The following EHBP1 variants were observed in gnomAD, a reference collection of about 807,000 sequenced individuals.
EHBP1 encodes the protein EH domain-binding protein 1.
A neutral mutation model predicts 144.0 loss-of-function variants in EHBP1; 55 were observed. The ratio of observed to expected loss-of-function variants is 0.38; its 90% confidence interval spans 0.31 to 0.48. The LOEUF (loss-of-function observed/expected upper bound fraction) is 0.48, where lower values mean the gene tolerates loss of function less well. Ranked by LOEUF, EHBP1 falls within the 20% of genes least tolerant of loss-of-function variation. EHBP1 has a pLI of 0.98. For synonymous variants in EHBP1, 469 were observed against 472.7 expected, an observed-to-expected ratio of 0.99 and a Z score of 0.10; for missense variants, 1,200 against 1,364.2, an observed-to-expected ratio of 0.88 and a Z score of 1.90.
intron 19 of EHBP1, among the ~76,000 whole-genome samples, chr2:63,031,945 A>G (rs1473032754): frequency 6.6e-6 from 1 of 152,052 alleles, no homozygotes; most frequent in Non-Finnish European, 1.5e-5. Flanking sequence ...AAAAACAAAA[A>G]CAAAAAAAAC....
chr2:62,988,119 A>G, intron 15 of EHBP1: 7 of 796,172 alleles, frequency 8.8e-6, no homozygotes, highest in Non-Finnish European at 2.0e-6. Context: ...ATCAATAATA[A>G]TAATAATTTT....
chr2:62,723,351 C>T (rs1465089884), intron 2 of EHBP1, among the ~76,000 whole-genome samples: 1 of 151,872 alleles, frequency 6.6e-6, no homozygotes, highest in African/African-American at 2.4e-5. Context: ...TTTCTCCATC[C>T]CTTTATTTTG....
At chr2:62,784,252 A>T (rs962286921) in intron 5 of EHBP1, among the ~76,000 whole-genome samples, 21 of 152,224 alleles carry the variant, frequency 1.4e-4, no homozygotes, top group African/African-American at 5.1e-4. Flanking sequence ...TATTTTCCAA[A>T]ATCACATTTT....
At position 63,045,013 on chromosome 2, in the gene EHBP1, G is replaced by A. The variant is rs991404577; in HGVS notation, c.3278-53G>A. 92 of 1,114,468 alleles carry A rather than the reference G, an allele frequency of 8.3e-5. No homozygotes were observed. The highest frequency in any genetic ancestry group is 1.0e-4 in the Non-Finnish European group (85 of 813,368). 69.0% of individuals were successfully genotyped at this position (1,114,468 alleles called of 1,614,324 possible). ...AAAGGCGGGAAGGGGAGGGCGGGGG[G>A]CCGGGTGTTCGGAGGCCCTGCCGGT... On this transcript the variant is annotated intron_variant, in intron 21 of 22. Coordinates refer to ENST00000431489, the MANE Select transcript of EHBP1 (RefSeq NM_001142616.3). This position sits in a 1 kb window ranked among gnomAD's most constrained non-coding sequence, Gnocchi z 5.7.
intron 10 of EHBP1, among the ~76,000 whole-genome samples, chr2:62,930,036 C>T (rs547353401): frequency 6.6e-6 from 1 of 152,288 alleles, no homozygotes; most frequent in Admixed American, 6.5e-5. Context: ...TGCTTGAGCT[C>T]AGGAGTTCAA....
At chr2:62,700,340 T>C (rs360808) in intron 1 of EHBP1, among the ~76,000 whole-genome samples, 93,113 of 152,008 alleles carry the variant, frequency 0.61, 29,042 homozygotes, top group Middle Eastern at 0.8. Context: ...ATTTCAAGCT[T>C]TGATTTCACA....
At chr2:62,889,251 T>TG (rs1558862531) in intron 10 of EHBP1, among the ~76,000 whole-genome samples, 2 of 147,682 alleles carry the variant, frequency 1.4e-5, no homozygotes, top group Non-Finnish European at 3.0e-5. Flanking sequence ...GTGTGTGTGT[T>TG]TTTTTTTTGT....
intron 10 of EHBP1, among the ~76,000 whole-genome samples, chr2:62,880,379 C>T (rs1323727803): frequency 2.0e-4 from 30 of 147,794 alleles, no homozygotes; most frequent in African/African-American, 7.2e-4. Context: ...ATAAATGAGA[C>T]CTAATCAAAC....
chr2:62,902,878 G>T (rs536791948), intron 10 of EHBP1, among the ~76,000 whole-genome samples: 4 of 152,114 alleles, frequency 2.6e-5, no homozygotes, highest in Non-Finnish European at 5.9e-5. Flanking sequence ...ATATTAGTTT[G>T]TTATATAGAT....
intron 7 of EHBP1, among the ~76,000 whole-genome samples, chr2:62,845,580 A>G (rs955195282): frequency 1.3e-5 from 2 of 151,968 alleles, no homozygotes; most frequent in East Asian, 1.9e-4. Flanking sequence ...TAAAATAAAT[A>G]TGGGACTCTG....
rs745599850 is a variant in EHBP1, at chr2:62,673,914, C to T, written c.-465C>T. The T allele has an allele frequency of 2.2e-5, 9 of 408,706 alleles. 1 individual carries two copies. The highest frequency in any genetic ancestry group is 7.6e-5 in the South Asian group (4 of 52,588). The allele number at this position is 408,706 out of a possible 1,614,324, so 25.3% of individuals were successfully genotyped here. On this transcript the variant is annotated 5_prime_UTR_variant, in exon 1 of 23. Coordinates refer to the EHBP1 transcript ENST00000405015. ...CTCCCTCCCCAAAGAGAGACTCCAGCGAGAGACTGGGGATTTGGAGGTCCA... is the reference window on the plus strand; with the variant it reads ...CTCCCTCCCCAAAGAGAGACTCCAGTGAGAGACTGGGGATTTGGAGGTCCA...
intron 19 of EHBP1, among the ~76,000 whole-genome samples, chr2:63,035,559 C>T (rs1050749678): frequency 6.6e-6 from 1 of 151,998 alleles, no homozygotes; most frequent in African/African-American, 2.4e-5. Context: ...CTGATTGCTT[C>T]TAGTATTGCC....
chr2:62,782,417 A>C (rs547084268), intron 5 of EHBP1, among the ~76,000 whole-genome samples: 1 of 152,138 alleles, frequency 6.6e-6, no homozygotes, highest in Non-Finnish European at 1.5e-5. Context: ...CTGTATTGTA[A>C]GTTTTTTTCT....
At chr2:62,903,399 G>A (rs1321587734) in intron 10 of EHBP1, among the ~76,000 whole-genome samples, 1 of 152,078 alleles carries the variant, frequency 6.6e-6, no homozygotes, top group Non-Finnish European at 1.5e-5. Flanking sequence ...CAAGAAGATT[G>A]TAATAAAGGT....
At chr2:63,024,473 G>A (rs2060888884) in intron 19 of EHBP1, among the ~76,000 whole-genome samples, 3 of 152,024 alleles carry the variant, frequency 2.0e-5, no homozygotes, top group Non-Finnish European at 4.4e-5. Flanking sequence ...ATGGTGGCAT[G>A]TGTTTGTGGT....
intron 3 of EHBP1, among the ~76,000 whole-genome samples, chr2:62,762,681 C>T (rs2040856775): frequency 1.3e-5 from 2 of 152,098 alleles, no homozygotes; most frequent in Middle Eastern, 6.8e-3. Context: ...AAAAAGATAC[C>T]CAGAATCTGG....
chr2:63,027,669 GGT>G (rs1466637312), intron 19 of EHBP1, among the ~76,000 whole-genome samples: 1 of 152,132 alleles, frequency 6.6e-6, no homozygotes, highest in Non-Finnish European at 1.5e-5. Flanking sequence ...TATTTAGGAA[GGT>G]GCATATGAGG....
At chr2:62,906,152 CTTTT>C (rs769180078) in intron 10 of EHBP1, among the ~76,000 whole-genome samples, 1 of 135,080 alleles carries the variant, frequency 7.4e-6, no homozygotes. Flanking sequence ...GTTATTTTGT[CTTTT>C]TTTTTTTTTT....
intron 1 of EHBP1, among the ~76,000 whole-genome samples, chr2:62,685,794 A>C (rs2033698013): frequency 6.6e-6 from 1 of 151,988 alleles, no homozygotes; most frequent in Admixed American, 6.6e-5. Context: ...GGGGTTGGGG[A>C]GGAGGGGGTA....
Sources: gnomAD v4.1 joint callset for allele counts (sites outside exome capture counted in the v4.1 genomes callset) on GRCh38, gnomAD v4.1.1 for gene constraint, Gnocchi (gnomAD v3.1) non-coding constraint, MANE v1.5 for transcripts, NCBI Gene and HGNC (gene_info 2026-07-23, HGNC 2026-07-21) for gene names.